SLIT2: variants seen among roughly 807,000 people sequenced by gnomAD.
SLIT2 encodes slit homolog 2 protein.
A neutral mutation model predicts 185.7 loss-of-function variants in SLIT2; 41 were observed. That is an observed-to-expected ratio of 0.22 (90% CI 0.17 to 0.29). The LOEUF is 0.29. SLIT2 is among the 10% of genes least tolerant of loss of function. The pLI, the probability that SLIT2 is intolerant of heterozygous loss-of-function variation, is 1.00. For missense variants in SLIT2, 1,571 were observed against 1,909.0 expected, an observed-to-expected ratio of 0.82 and a Z score of 3.30; for synonymous variants, 693 against 680.2, an observed-to-expected ratio of 1.02 and a Z score of -0.29.
At chr4:20,526,613 A>G (rs3756148) in intron 15 of SLIT2, among the ~76,000 whole-genome samples, 2,948 of 152,314 alleles carry the variant, frequency 0.019, 57 homozygotes, top group East Asian at 0.073. Context: ...TAAATAAAGA[A>G]CAAAAGTCAG....
Position 20,422,626 on chromosome 4 carries a change from GC to G in SLIT2, c.396-45125del, listed in dbSNP as rs1353242097. On this transcript the variant is annotated intron_variant, in intron 4 of 36. Transcript: ENST00000504154. The stretch of plus-strand genomic sequence containing the variant: ...AATGAGAGGCAGTGGGCAGAAGGGG[GC>G]ATGAGAGGCTCTTTCAGATGGTCTG... Among the ~76,000 whole-genome samples the G allele has an allele frequency of 1.2e-4, 18 of 152,226 alleles. No homozygotes were observed. In the East Asian group the frequency reaches 3.3e-3, roughly 28 times the overall value.
At chr4:20,405,944 T>C in intron 4 of SLIT2, among the ~76,000 whole-genome samples, 1 of 107,570 alleles carries the variant, frequency 9.3e-6, no homozygotes, top group East Asian at 6.0e-4. Context: ...CTTGGTCTTC[T>C]TACAATTAGT....
chr4:20,481,328 T>G (rs1057278139), intron 6 of SLIT2, among the ~76,000 whole-genome samples: 1 of 152,166 alleles, frequency 6.6e-6, no homozygotes, highest in African/African-American at 2.4e-5. Flanking sequence ...TGAATTATAA[T>G]TGGCAACCTC....
intron 12 of SLIT2, among the ~76,000 whole-genome samples, chr4:20,523,537 G>A (rs1224291094): frequency 6.6e-6 from 1 of 152,134 alleles, no homozygotes; most frequent in Admixed American, 6.5e-5. Context: ...TTGAATACAT[G>A]TATAAATACC....
chr4:20,272,131 C>A (rs992839081), intron 4 of SLIT2, among the ~76,000 whole-genome samples: 1 of 151,936 alleles, frequency 6.6e-6, no homozygotes, highest in Non-Finnish European at 1.5e-5. Context: ...TACCATTTAT[C>A]CAGTCCATTA....
chr4:20,467,368 CA>C (rs1560448042), intron 4 of SLIT2, among the ~76,000 whole-genome samples: 3 of 152,118 alleles, frequency 2.0e-5, no homozygotes, highest in South Asian at 4.1e-4. Flanking sequence ...TAAGTTATGC[CA>C]GGGGTGTTGG....
intron 5 of SLIT2, among the ~76,000 whole-genome samples, chr4:20,470,605 T>A (rs1033406800): frequency 2.0e-4 from 31 of 151,928 alleles, no homozygotes; most frequent in African/African-American, 7.5e-4. Flanking sequence ...AGACACAGTC[T>A]CGCTCTGTCA....
chr4:20,528,475 A>T lies in SLIT2; in HGVS notation c.1463-474A>T. 2.4e-6 allele frequency: 1 copy of T among 413,878 alleles called. No individual in the cohort carries two copies. The highest frequency in any genetic ancestry group is 1.8e-5 in the South Asian group (1 of 55,570). 25.6% of individuals were successfully genotyped at this position (413,878 alleles called of 1,614,324 possible). A position where few individuals can be genotyped will look rare whatever the true frequency, so the allele number is the denominator to read the frequency against. ...AAAGAGGGCTTTTTAGGCATCTCCG[A>T]GATTATGTGAGAGGGAGAGAATAGT... On this transcript the variant is annotated intron_variant, in intron 15 of 36. Transcript: ENST00000504154. The surrounding 1 kb of genome is among the most constrained non-coding windows in gnomAD (Gnocchi z 4.2).
At chr4:20,365,248 T>A (rs1172221886) in intron 4 of SLIT2, among the ~76,000 whole-genome samples, 2 of 152,130 alleles carry the variant, frequency 1.3e-5, no homozygotes, top group African/African-American at 4.8e-5. Flanking sequence ...ATGGTTCATA[T>A]AACAGAACAT....
At chr4:20,332,610 G>C (rs371114362) in intron 4 of SLIT2, among the ~76,000 whole-genome samples, 2 of 151,844 alleles carry the variant, frequency 1.3e-5, no homozygotes, top group African/African-American at 4.8e-5. Context: ...TGAAACCTGA[G>C]TTGCAGTGAG....
chr4:20,600,142 A>AT (rs944388967), intron 33 of SLIT2, among the ~76,000 whole-genome samples: 4 of 151,752 alleles, frequency 2.6e-5, no homozygotes, highest in East Asian at 1.9e-4. Context: ...TTTGTGGTTC[A>AT]TTTTTTTTAA....
intron 4 of SLIT2, among the ~76,000 whole-genome samples, chr4:20,394,354 T>C (rs900879626): frequency 1.3e-5 from 2 of 152,050 alleles, no homozygotes; most frequent in African/African-American, 4.8e-5. Context: ...TGGAACTTTA[T>C]TTAAAAGTTT....
chr4:20,511,422 T>TA (rs1186223656), intron 11 of SLIT2, among the ~76,000 whole-genome samples: 1 of 135,914 alleles, frequency 7.4e-6, no homozygotes, highest in African/African-American at 2.8e-5. Flanking sequence ...TTTTATTTCT[T>TA]TTTTTTTTTT....
chr4:20,577,660 C>G (rs1346081587), intron 29 of SLIT2, among the ~76,000 whole-genome samples: 1 of 152,074 alleles, frequency 6.6e-6, no homozygotes, highest in Non-Finnish European at 1.5e-5. Context: ...ATGAAGCTGC[C>G]CTGTGATGAC....
intron 4 of SLIT2, among the ~76,000 whole-genome samples, chr4:20,307,636 T>C (rs1717709869): frequency 6.6e-6 from 1 of 152,196 alleles, no homozygotes. Context: ...GAATCTTACC[T>C]ATGCTGCATT....
chr4:20,279,286 T>C (rs1714489465), intron 4 of SLIT2, among the ~76,000 whole-genome samples: 1 of 152,232 alleles, frequency 6.6e-6, no homozygotes, highest in Non-Finnish European at 1.5e-5. Flanking sequence ...TGACCCACCA[T>C]AATGTAGTTC....
chr4:20,419,662 T>G (rs553954539), intron 4 of SLIT2, among the ~76,000 whole-genome samples: 2 of 141,362 alleles, frequency 1.4e-5, no homozygotes, highest in African/African-American at 5.3e-5. Context: ...AGGGTAAGTT[T>G]TAAGCTGTGT....
chr4:20,350,293 T>A (rs934884487), intron 4 of SLIT2, among the ~76,000 whole-genome samples: 2 of 152,094 alleles, frequency 1.3e-5, no homozygotes, highest in Non-Finnish European at 2.9e-5. Context: ...TCCTTGCTTT[T>A]TTTTTTTAAT....
intron 4 of SLIT2, among the ~76,000 whole-genome samples, chr4:20,300,844 T>G (rs1313650767): frequency 6.6e-6 from 1 of 152,148 alleles, no homozygotes; most frequent in Non-Finnish European, 1.5e-5. Context: ...AGAGCTTCGT[T>G]TGAGTATGAT....
Sources: gnomAD v4.1 joint callset for allele counts (sites outside exome capture counted in the v4.1 genomes callset) on GRCh38, gnomAD v4.1.1 for gene constraint, Gnocchi (gnomAD v3.1) non-coding constraint, MANE v1.5 for transcripts, NCBI Gene and HGNC (gene_info 2026-07-23, HGNC 2026-07-21) for gene names.